Variants in PDIA5 observed in about 807,000 individuals in gnomAD.
PDIA5 encodes the protein protein disulfide isomerase family A member 5.
In PDIA5, 58 loss-of-function variants were observed where a neutral mutation model predicts 77.6. That is an observed-to-expected ratio of 0.75 (90% CI 0.61 to 0.93). The LOEUF (loss-of-function observed/expected upper bound fraction) is 0.93. PDIA5 is among the 40% of genes least tolerant of loss of function. The probability of loss-of-function intolerance (pLI) is 0.00; values close to 1 mark genes in which losing one functional copy is unlikely to be tolerated. For missense variants in PDIA5, 630 were observed against 647.7 expected (o/e 0.97, Z 0.30); for synonymous variants, 250 against 252.1 (o/e 0.99, Z 0.08).
chr3:123,080,307 G>T (rs1460093277), intron 1 of PDIA5, among the ~76,000 whole-genome samples: 1 of 152,150 alleles, frequency 6.6e-6, no homozygotes, highest in African/African-American at 2.4e-5. Flanking sequence ...TGAGTCCTTG[G>T]CTCTGGAGGG....
chr3:123,160,235 G>A (rs573484288), intron 15 of PDIA5, among the ~76,000 whole-genome samples: 30 of 152,282 alleles, frequency 2.0e-4, no homozygotes, highest in African/African-American at 7.2e-4. Context: ...ACTGGGTATG[G>A]CCATTGAGGA....
intron 7 of PDIA5, among the ~76,000 whole-genome samples, chr3:123,111,426 C>T (rs1399640486): frequency 6.6e-5 from 10 of 152,230 alleles, no homozygotes; most frequent in South Asian, 2.1e-4. Context: ...CTCTGGCTCC[C>T]GCATCCTCTG....
At chr3:123,157,309 G>T (rs1312020687) in intron 15 of PDIA5, among the ~76,000 whole-genome samples, 2 of 152,218 alleles carry the variant, frequency 1.3e-5, no homozygotes, top group South Asian at 2.1e-4. Context: ...ATGGCACTGT[G>T]ACTACTGGGT....
intron 3 of PDIA5, among the ~76,000 whole-genome samples, chr3:123,093,610 C>T (rs1351988692): frequency 6.6e-6 from 1 of 152,166 alleles, no homozygotes; most frequent in African/African-American, 2.4e-5. Flanking sequence ...GTCCATGTAA[C>T]AGACATTACT....
intron 15 of PDIA5, among the ~76,000 whole-genome samples, chr3:123,157,250 A>G (rs1936041747): frequency 6.6e-6 from 1 of 152,188 alleles, no homozygotes; most frequent in Admixed American, 6.5e-5. Context: ...GAAGCCAGCC[A>G]TCTGGCCTGG....
intron 13 of PDIA5, 73 bp downstream of exon 13, chr3:123,146,332 A>G: frequency 1.5e-6 from 2 of 1,292,354 alleles, no homozygotes; most frequent in Non-Finnish European, 2.2e-6. Context: ...TGAGGAGGTG[A>G]AGTAAACTTT....
intron 10 of PDIA5, among the ~76,000 whole-genome samples, chr3:123,125,930 C>T (rs896437963): frequency 1.3e-5 from 2 of 152,150 alleles, no homozygotes; most frequent in Admixed American, 6.5e-5. Flanking sequence ...TGATAATAAG[C>T]GTGTCCTCTC....
At chr3:123,072,777 T>G (rs76581439) in intron 1 of PDIA5, among the ~76,000 whole-genome samples, 3,612 of 152,288 alleles carry the variant, frequency 0.024, 61 homozygotes, top group East Asian at 0.059. Context: ...CTCTTGTGTC[T>G]TGCTTGGTGG....
rs555658709 is a variant in PDIA5, at chr3:123,160,250, T to G, written c.1345-1071T>G. 5.0e-4 allele frequency among the ~76,000 whole-genome samples: 76 copies of G among 152,324 alleles called. No homozygotes were observed. In the South Asian group the frequency reaches 0.011, roughly 22 times the overall value. ...ACTGGGTATGGCCATTGAGGACCCCTTCTCGGGCTTCCCTGGTGCATGACC... is the reference window on the plus strand; with the variant it reads ...ACTGGGTATGGCCATTGAGGACCCCGTCTCGGGCTTCCCTGGTGCATGACC... On this transcript the variant is annotated intron_variant, in intron 15 of 16. Coordinates refer to ENST00000316218, the MANE Select transcript of PDIA5 (RefSeq NM_006810.4).
At chr3:123,112,288 G>T (rs1453334217) in intron 7 of PDIA5, among the ~76,000 whole-genome samples, 1 of 152,072 alleles carries the variant, frequency 6.6e-6, no homozygotes, top group African/African-American at 2.4e-5. Context: ...GTGTGCCTAG[G>T]TGTGTGTGTG....
intron 10 of PDIA5, among the ~76,000 whole-genome samples, chr3:123,128,291 G>A (rs1387775606): frequency 6.6e-6 from 1 of 152,024 alleles, no homozygotes; most frequent in African/African-American, 2.4e-5. Context: ...AAAGTTTTTT[G>A]TTTTTTGTTT....
chr3:123,145,497 G>T, intron 11 of PDIA5, 25 bp from the exon 12 acceptor site: 13 of 1,604,934 alleles, frequency 8.1e-6, no homozygotes, highest in Non-Finnish European at 1.1e-5. Flanking sequence ...CCATAAGAAT[G>T]GTTTCTCTTG....
At chr3:123,120,462 C>G (rs1935087670) in intron 8 of PDIA5, among the ~76,000 whole-genome samples, 2 of 152,250 alleles carry the variant, frequency 1.3e-5, no homozygotes, top group African/African-American at 4.8e-5. Context: ...CCTCTCTTCC[C>G]TACAGCTGCC....
At chr3:123,120,933 G>T (rs998843049) in intron 8 of PDIA5, among the ~76,000 whole-genome samples, 4 of 152,112 alleles carry the variant, frequency 2.6e-5, no homozygotes, top group Non-Finnish European at 4.4e-5. Flanking sequence ...CTTGTCTCCT[G>T]ACCACAGCAT....
chr3:123,097,532 G>A (rs976471369), intron 3 of PDIA5, among the ~76,000 whole-genome samples: 6 of 152,088 alleles, frequency 3.9e-5, no homozygotes, highest in East Asian at 1.9e-4. Flanking sequence ...AGAGTGCTAC[G>A]TGACCACCAC....
chr3:123,109,785 T>A (rs553721182), intron 6 of PDIA5, among the ~76,000 whole-genome samples: 6 of 152,210 alleles, frequency 3.9e-5, no homozygotes, highest in Non-Finnish European at 8.8e-5. Flanking sequence ...GTGTATATGA[T>A]GTTTTTACTC....
Position 123,126,025 on chromosome 3 carries a change from C to G in PDIA5, c.773+1682C>G, listed in dbSNP as rs3792375. Among the ~76,000 whole-genome samples, 693 of 152,336 alleles carry G rather than the reference C, an allele frequency of 4.5e-3. 9 individuals are homozygous for G. The highest frequency in any genetic ancestry group is 0.04 in the East Asian group (208 of 5,194). The stretch of plus-strand genomic sequence containing the variant: ...TTTGTCACTAGAGCATAAAATCTGT[C>G]TGCTTCCCTTCCCTTCTCTAACCTT... On this transcript the variant is annotated intron_variant, in intron 10 of 16. Coordinates refer to ENST00000316218, the MANE Select transcript of PDIA5 (RefSeq NM_006810.4).
chr3:123,091,188 G>A (rs1181185250), intron 2 of PDIA5, among the ~76,000 whole-genome samples: 1 of 152,048 alleles, frequency 6.6e-6, no homozygotes, highest in Non-Finnish European at 1.5e-5. Context: ...TGCCTTCTCC[G>A]AGTGACTCCA....
chr3:123,074,990 T>A (rs1332188352), intron 1 of PDIA5, among the ~76,000 whole-genome samples: 1 of 152,176 alleles, frequency 6.6e-6, no homozygotes, highest in African/African-American at 2.4e-5. Context: ...GGCCATACTT[T>A]GTAAAGTTAA....
Sources: gnomAD v4.1 joint callset for allele counts (sites outside exome capture counted in the v4.1 genomes callset) on GRCh38, gnomAD v4.1.1 for gene constraint, MANE v1.5 for transcripts, NCBI Gene and HGNC (gene_info 2026-07-23, HGNC 2026-07-21) for gene names.